Variants in TMEM63C observed in about 807,000 individuals in gnomAD.
TMEM63C encodes the protein osmosensitive cation channel TMEM63C.
TMEM63C carries 32 observed loss-of-function variants against 99.2 expected under a neutral mutation model. The ratio of observed to expected loss-of-function variants is 0.32; its 90% CI spans 0.24 to 0.43. The LOEUF is 0.43. TMEM63C is among the 20% of genes least tolerant of loss of function. TMEM63C has a pLI of 1.00. For synonymous variants in TMEM63C, 376 were observed against 397.9 expected (o/e 0.94, Z 0.66); for missense variants, 826 against 1,053.0 (o/e 0.78, Z 2.98).
At chr14:77,224,698 G>T (rs185639586) in intron 5 of TMEM63C, among the ~76,000 whole-genome samples, 1 of 151,984 alleles carries the variant, frequency 6.6e-6, no homozygotes, top group Admixed American at 6.6e-5. Flanking sequence ...GGCCTCAACC[G>T]GACAGGACCC....
chr14:77,254,817 A>G lies in TMEM63C; in HGVS notation c.2220+1441A>G, dbSNP rs151095088. Among the ~76,000 whole-genome samples the G allele has an allele frequency of 1.3e-3, 203 of 152,308 alleles. 1 individual carries two copies. The highest frequency in any genetic ancestry group is 4.6e-3 in the African/African-American group (193 of 41,572). On this transcript the variant is annotated intron_variant, in intron 23 of 23. Coordinates refer to ENST00000298351, the MANE Select transcript of TMEM63C (RefSeq NM_020431.4). ...AACATCGCACATCATTATAGGGGGAAAGGATAAGCAGAAATAAGAAAATAA... is the reference window on the plus strand; with the variant it reads ...AACATCGCACATCATTATAGGGGGAGAGGATAAGCAGAAATAAGAAAATAA...
At chr14:77,216,361 C>G (rs147102279) in intron 2 of TMEM63C, among the ~76,000 whole-genome samples, 46 of 152,326 alleles carry the variant, frequency 3.0e-4, no homozygotes, top group Non-Finnish European at 5.3e-4. Flanking sequence ...CCTTGGATCT[C>G]TCCTCTCACT....
intron 9 of TMEM63C, 63 bp from the exon 10 acceptor site, chr14:77,238,631 G>C (rs8010477): frequency 0.92 from 1,256,123 of 1,359,328 alleles, 580,681 homozygotes; most frequent in African/African-American, 0.99. Flanking sequence ...CCAAAAGACT[G>C]AGGTGTCTGG....
chr14:77,253,461 T>C, intron 23 of TMEM63C, 85 bp downstream of exon 23: 1 of 1,325,832 alleles, frequency 7.5e-7, no homozygotes, highest in South Asian at 1.3e-5. Context: ...GGATGCCAGC[T>C]TTGCTGCCCA....
chr14:77,203,535 G>T (rs996069004), intron 1 of TMEM63C, among the ~76,000 whole-genome samples: 1 of 152,200 alleles, frequency 6.6e-6, no homozygotes, highest in African/African-American at 2.4e-5. Context: ...CATTCTCCAT[G>T]TGCCGTCTGC....
Position 77,253,373 on chromosome 14 carries a change from C to A in TMEM63C, c.2217C>A (p.Ser739=). The A allele has an allele frequency of 6.2e-7, 1 of 1,609,444 alleles. No homozygotes were observed. The highest frequency in any genetic ancestry group is 8.5e-7 in the Non-Finnish European group (1 of 1,178,272). Residue 739 remains serine (S), a synonymous_variant, in exon 23 of 24, where the codon TCC becomes TCA. Transcript: ENST00000298351. ...EPSSTSSTPT[S]LLYVATVLQE... ...GCAGCACCTCCTCCACGCCCACCTC[C>A]CTCGTGAGTCCTGAGTCCCAGGGAC...
At chr14:77,184,569 A>G (rs572691018) in intron 1 of TMEM63C, among the ~76,000 whole-genome samples, 53 of 152,324 alleles carry the variant, frequency 3.5e-4, no homozygotes, top group South Asian at 4.1e-4. Flanking sequence ...TGCTCAGGCC[A>G]TGGGCAGGCT....
intron 4 of TMEM63C, 138 bp downstream of exon 4, chr14:77,219,715 C>T: frequency 1.1e-6 from 1 of 888,616 alleles, no homozygotes; most frequent in Non-Finnish European, 1.8e-6. Context: ...GCTCTGCCCT[C>T]CCTGCAGGAA....
intron 1 of TMEM63C, among the ~76,000 whole-genome samples, chr14:77,209,960 A>G (rs1044851502): frequency 1.3e-5 from 2 of 152,262 alleles, no homozygotes; most frequent in African/African-American, 4.8e-5. Context: ...GGGTGGGGGC[A>G]GAGATTGCAT....
rs748523645 is a variant in TMEM63C at position 77,218,228 on chromosome 14, G to A, written c.-13-573G>A. On this transcript the variant is annotated intron_variant, in intron 2 of 23. Transcript: ENST00000298351. Reference sequence around the variant, plus strand: ...ATACACCTACTATGTACCCACAGAAGTTAAAAAAAAAAGAGGGGGGTGTTT... The same window carrying A: ...ATACACCTACTATGTACCCACAGAAATTAAAAAAAAAAGAGGGGGGTGTTT... Among the ~76,000 whole-genome samples the A allele has an allele frequency of 3.2e-5, 3 of 93,252 alleles. No homozygotes were observed. The South Asian group carries it at 1.4e-3, about 45-fold the overall frequency. 61.2% of individuals were successfully genotyped at this position (93,252 alleles called of 152,430 possible). A position where few individuals can be genotyped will look rare whatever the true frequency, so the allele number is the denominator to read the frequency against.
Position 77,238,690 on chromosome 14 carries a change from C to A in TMEM63C, c.652-4C>A. The A allele has an allele frequency of 6.2e-7, 1 of 1,612,128 alleles. No individual in the cohort carries two copies. The highest frequency in any genetic ancestry group is 8.5e-7 in the Non-Finnish European group (1 of 1,178,272). ...CTTTCTCCATTTTTATTTTTCCCACCCAGGTCACAAGGACACTAATGATCA... is the reference window on the plus strand; with the variant it reads ...CTTTCTCCATTTTTATTTTTCCCACACAGGTCACAAGGACACTAATGATCA... On this transcript the variant is annotated splice_polypyrimidine_tract_variant and splice_region_variant and intron_variant, in intron 9 of 23. Transcript: ENST00000298351.
chr14:77,199,382 G>A (rs10134823), intron 1 of TMEM63C, among the ~76,000 whole-genome samples: 45,259 of 151,964 alleles, frequency 0.3, 7,166 homozygotes, highest in African/African-American at 0.39. Context: ...AAATCATTCA[G>A]CCGAGATTCA....
intron 1 of TMEM63C, among the ~76,000 whole-genome samples, chr14:77,187,359 C>T (rs1456360184): frequency 1.1e-4 from 17 of 152,230 alleles, no homozygotes; most frequent in Non-Finnish European, 1.2e-4. Flanking sequence ...CTGGGCAGGG[C>T]GCCCAGAACC....
At position 77,240,519 on chromosome 14, in the gene TMEM63C, G is replaced by A. The variant is rs764263628; in HGVS notation, c.975G>A (p.Thr325=). The change falls in exon 13 of 24, where the codon ACG becomes ACA. Residue 325 remains threonine, a synonymous_variant. Transcript: ENST00000298351. ...QYYSELEEQL[T]DEFNAELNRV... Reference sequence around the variant, plus strand: ...ACAGCGAGCTAGAGGAGCAGCTAACGGACGAGTTCAACGCCGAGCTCAACC... The same window carrying A: ...ACAGCGAGCTAGAGGAGCAGCTAACAGACGAGTTCAACGCCGAGCTCAACC... 8 of 1,611,746 alleles carry A rather than the reference G, an allele frequency of 5.0e-6. No homozygotes were observed. The highest frequency in any genetic ancestry group is 1.6e-4 in the Middle Eastern group (1 of 6,084).
intron 16 of TMEM63C, 27 bp from the exon 17 acceptor site, chr14:77,245,913 G>A: frequency 6.4e-7 from 1 of 1,574,310 alleles, no homozygotes. Context: ...CACGTCCATT[G>A]ATGAATATCT....
intron 3 of TMEM63C, 97 bp downstream of exon 3, chr14:77,219,060 C>T: frequency 7.7e-7 from 1 of 1,298,798 alleles, no homozygotes; most frequent in East Asian, 2.7e-5. Flanking sequence ...TCCAAATGGA[C>T]AACAACAACA....
intron 7 of TMEM63C, among the ~76,000 whole-genome samples, chr14:77,232,991 TATC>T (rs1327614203): frequency 1.3e-5 from 2 of 152,204 alleles, no homozygotes; most frequent in Non-Finnish European, 2.9e-5. Flanking sequence ...GCAGTGATAA[TATC>T]ATGCAGGATT....
chr14:77,202,910 G>A (rs570540517), intron 1 of TMEM63C, among the ~76,000 whole-genome samples: 1 of 148,576 alleles, frequency 6.7e-6, no homozygotes, highest in South Asian at 2.1e-4. Context: ...GAGCTCCTGA[G>A]AGGAGAGAGA....
chr14:77,245,977 A>G lies in TMEM63C; in HGVS notation c.1486A>G (p.Ile496Val). 1 of 1,614,018 alleles carries G rather than the reference A, an allele frequency of 6.2e-7. No homozygotes were observed. The highest frequency in any genetic ancestry group is 1.1e-5 in the South Asian group (1 of 91,088). Residue 496 changes from isoleucine to valine, a missense_variant, in exon 17 of 24, where the codon ATC becomes GTC. Transcript: ENST00000298351. ...TCTGGTCATGGTGCACAAGTGCTAC[A>G]TCTTTCTGGTGTTCATGGTAGTCAT... ...QNLVMVHKCY[I>V]FLVFMVVILP...
Sources: gnomAD v4.1 joint callset for allele counts (sites outside exome capture counted in the v4.1 genomes callset) on GRCh38, gnomAD v4.1.1 for gene constraint, MANE v1.5 for transcripts, NCBI Gene and HGNC (gene_info 2026-07-23, HGNC 2026-07-21) for gene names.